NRG1: variants seen among roughly 807,000 people sequenced by gnomAD.
The protein encoded by NRG1 is neuregulin 1, also known as pro-neuregulin-1, membrane-bound isoform.
Under a neutral mutation model 63.8 loss-of-function variants are expected in NRG1, and 18 were observed. The ratio of observed to expected loss-of-function variants is 0.28; its 90% CI spans 0.19 to 0.42. NRG1 has a LOEUF of 0.42. Ranked by LOEUF, NRG1 falls within the 10% of genes least tolerant of loss-of-function variation. The pLI, the probability that NRG1 is intolerant of heterozygous loss-of-function variation, is 1.00. For synonymous variants in NRG1, 302 were observed against 301.3 expected (o/e 1.00, Z -0.02); for missense variants, 762 against 814.7 (o/e 0.94, Z 0.79).
chr8:31,801,422 T>G (rs1171974417), intron 1 of NRG1, among the ~76,000 whole-genome samples: 1 of 152,194 alleles, frequency 6.6e-6, no homozygotes, highest in Non-Finnish European at 1.5e-5. Flanking sequence ...TTCATAATAA[T>G]TATTGAGTCA....
chr8:32,122,037 A>G (rs1563811177), intron 1 of NRG1, among the ~76,000 whole-genome samples: 2 of 152,050 alleles, frequency 1.3e-5, no homozygotes, highest in African/African-American at 2.4e-5. Context: ...TTTTAAAAAC[A>G]GAATATCCAA....
At chr8:32,503,761 T>C (rs1476686351) in intron 1 of NRG1, among the ~76,000 whole-genome samples, 3 of 152,132 alleles carry the variant, frequency 2.0e-5, no homozygotes, top group Admixed American at 6.5e-5. Context: ...CTGACGGACA[T>C]ACGCAGAGTG....
chr8:32,044,913 C>CAAAAAAAAAAAAAAAAAAAAAAAAA, intron 1 of NRG1, among the ~76,000 whole-genome samples: 22 of 57,134 alleles, frequency 3.9e-4, no homozygotes, highest in East Asian at 7.1e-4. Context: ...TAAAGAAAAG[C>CAAAAAAAAAAAAAAAAAAAAAAAAA]AAAAAAAAAA....
At chr8:31,726,074 T>C (rs1813406712) in intron 1 of NRG1, among the ~76,000 whole-genome samples, 1 of 152,134 alleles carries the variant, frequency 6.6e-6, no homozygotes, top group Non-Finnish European at 1.5e-5. Context: ...TTATAGGAGA[T>C]AGAACATCGA....
intron 1 of NRG1, among the ~76,000 whole-genome samples, chr8:32,165,175 G>A (rs1563859784): frequency 6.7e-6 from 1 of 148,320 alleles, no homozygotes; most frequent in East Asian, 2.0e-4. Flanking sequence ...ATCTCATTCT[G>A]TTGCACAGGC....
At chr8:32,557,900 T>C (rs566722586) in intron 1 of NRG1, among the ~76,000 whole-genome samples, 12 of 152,346 alleles carry the variant, frequency 7.9e-5, no homozygotes, top group Non-Finnish European at 1.3e-4. Flanking sequence ...TTTTCTTTTT[T>C]TGAAACATGT....
intron 1 of NRG1, among the ~76,000 whole-genome samples, chr8:32,345,078 T>C (rs957420102): frequency 6.6e-6 from 1 of 152,196 alleles, no homozygotes; most frequent in African/African-American, 2.4e-5. Flanking sequence ...CTGCAGGTGA[T>C]GTAGACATCA....
At chr8:31,776,907 G>A (rs571550734) in intron 1 of NRG1, among the ~76,000 whole-genome samples, 1 of 152,296 alleles carries the variant, frequency 6.6e-6, no homozygotes, top group East Asian at 1.9e-4. Flanking sequence ...GCAGGTTCTG[G>A]AGAGGATGTG....
At chr8:32,311,485 C>T (rs1215685207) in intron 1 of NRG1, among the ~76,000 whole-genome samples, 1 of 151,950 alleles carries the variant, frequency 6.6e-6, no homozygotes, top group Non-Finnish European at 1.5e-5. Flanking sequence ...AAGCACAAGG[C>T]CCTAGAGGAA....
chr8:32,750,084 C>T (rs73675558), intron 7 of NRG1, among the ~76,000 whole-genome samples: 6,894 of 152,238 alleles, frequency 0.045, 537 homozygotes, highest in African/African-American at 0.16. Context: ...AAAGCCCTTA[C>T]GTTACAACAC....
chr8:32,402,743 T>C (rs1361140120), intron 1 of NRG1, among the ~76,000 whole-genome samples: 4 of 152,154 alleles, frequency 2.6e-5, no homozygotes, highest in Admixed American at 6.5e-5. Flanking sequence ...GTGAAAACTC[T>C]TAATAAGGAA....
intron 5 of NRG1, among the ~76,000 whole-genome samples, chr8:32,695,332 C>T (rs914136948): frequency 6.6e-6 from 1 of 150,796 alleles, no homozygotes; most frequent in Non-Finnish European, 1.5e-5. Context: ...CAGAGTGAGA[C>T]CCTCTCTCAG....
chr8:32,139,483 G>A (rs1353394082), intron 1 of NRG1: 2 of 152,164 alleles, frequency 1.3e-5, no homozygotes, highest in Admixed American at 6.5e-5. Context: ...AGGAACCTTT[G>A]ATCTCTGAAA....
intron 1 of NRG1, among the ~76,000 whole-genome samples, chr8:31,798,367 G>A (rs1486625644): frequency 6.6e-6 from 1 of 152,070 alleles, no homozygotes; most frequent in Non-Finnish European, 1.5e-5. Context: ...AAATAAGAGG[G>A]AAAAGTTTCA....
At chr8:32,272,971 C>T (rs932232440) in intron 1 of NRG1, among the ~76,000 whole-genome samples, 5 of 152,104 alleles carry the variant, frequency 3.3e-5, no homozygotes, top group South Asian at 2.1e-4. Flanking sequence ...AGGGCTGGAG[C>T]GTTGTTTTTT....
At chr8:32,302,980 G>C (rs977058476) in intron 1 of NRG1, among the ~76,000 whole-genome samples, 1 of 151,692 alleles carries the variant, frequency 6.6e-6, no homozygotes, top group African/African-American at 2.4e-5. Flanking sequence ...TCAGGAGTTC[G>C]AGACCAGCCT....
chr8:32,336,574 G>A (rs534755991), intron 1 of NRG1, among the ~76,000 whole-genome samples: 3 of 152,124 alleles, frequency 2.0e-5, no homozygotes, highest in Admixed American at 1.3e-4. Context: ...AGTCAGTTTC[G>A]ACTGGTGCTT....
rs71879821 is a variant in NRG1, at chr8:32,743,573, CATATAT to C, written c.691+858_691+863del. ...TATATATATAAAACTTAAGGCAAAACATATATATATATATATATATATAAAACTTAA... is the reference window on the plus strand; with the variant it reads ...TATATATATAAAACTTAAGGCAAAACATATATATATATATATAAAACTTAA... On this transcript the variant is annotated intron_variant, in intron 7 of 11. Coordinates refer to ENST00000356819, the Ensembl canonical transcript of NRG1. 1.2e-4 allele frequency among the ~76,000 whole-genome samples: 14 copies of C among 113,714 alleles called. 1 individual carries two copies. The highest frequency in any genetic ancestry group is 3.0e-4 in the South Asian group (1 of 3,348). 74.6% of individuals were successfully genotyped at this position (113,714 alleles called of 152,430 possible).
chr8:31,810,959 C>G (rs867262414), intron 1 of NRG1, among the ~76,000 whole-genome samples: 2 of 152,172 alleles, frequency 1.3e-5, no homozygotes, highest in African/African-American at 2.4e-5. Context: ...TTCTTTATTT[C>G]TCCTCTGTTT....
Sources: allele counts gnomAD v4.1 joint callset (sites outside exome capture counted in the v4.1 genomes callset), GRCh38; gene constraint gnomAD v4.1.1; transcripts MANE v1.5; gene names NCBI Gene and HGNC (gene_info 2026-07-23, HGNC 2026-07-21).